The following SYTL2 variants were observed in gnomAD, a reference collection of about 807,000 sequenced individuals.
The protein encoded by SYTL2 is synaptotagmin like 2, also known as synaptotagmin-like protein 2.
A neutral mutation model predicts 198.7 loss-of-function variants in SYTL2; 165 were observed. That is an observed-to-expected ratio of 0.83 (90% CI 0.73 to 0.94). SYTL2 has a LOEUF of 0.94. Ranked by LOEUF, SYTL2 falls within the 40% of genes least tolerant of loss-of-function variation. The pLI is 0.00. For synonymous variants in SYTL2, 966 were observed against 917.7 expected, an observed-to-expected ratio of 1.05 and a Z score of -0.95; for missense variants, 2,835 against 2,582.8, an observed-to-expected ratio of 1.10 and a Z score of -2.12.
chr11:85,789,067 G>A (rs2092681519), intron 1 of SYTL2, among the ~76,000 whole-genome samples: 1 of 151,238 alleles, frequency 6.6e-6, no homozygotes, highest in South Asian at 2.1e-4. Flanking sequence ...ACCTCAAAAA[G>A]ATGAATGTTC....
At chr11:85,722,354 T>A (rs1210226630) in intron 8 of SYTL2, among the ~76,000 whole-genome samples, 1 of 151,970 alleles carries the variant, frequency 6.6e-6, no homozygotes, top group African/African-American at 2.4e-5. Flanking sequence ...ATTGTATTTT[T>A]TAGTAGAGAT....
At chr11:85,740,326 T>A (rs1488692836) in intron 4 of SYTL2, among the ~76,000 whole-genome samples, 2 of 152,174 alleles carry the variant, frequency 1.3e-5, no homozygotes, top group Non-Finnish European at 2.9e-5. Flanking sequence ...TTCTTTTTGC[T>A]TTCTTTGTCT....
At chr11:85,758,422 T>C (rs1242946472) in intron 1 of SYTL2, among the ~76,000 whole-genome samples, 1 of 152,230 alleles carries the variant, frequency 6.6e-6, no homozygotes, top group Non-Finnish European at 1.5e-5. Context: ...TAAAAAGTCA[T>C]GTTAAAGGTC....
At chr11:85,751,750 C>T (rs2091524594) in intron 2 of SYTL2, among the ~76,000 whole-genome samples, 1 of 152,198 alleles carries the variant, frequency 6.6e-6, no homozygotes, top group African/African-American at 2.4e-5. Context: ...TAACAAGCCT[C>T]TTATCATTTC....
In SYTL2 at chr11:85,782,171, T is replaced by C. The variant is rs540302699; in HGVS notation, c.-389-24057A>G. ...CTAGGTGGACGTTCCCAAACGTCAA[T>C]TCTTGACTTCTGTGCACTGGTAGGC... On this transcript the variant is annotated intron_variant, in intron 1 of 19. Transcript: ENST00000359152. 4.9e-4 allele frequency among the ~76,000 whole-genome samples: 74 copies of C among 152,378 alleles called. 2 individuals carry two copies. Among genetic ancestry groups the C allele is most frequent in the African/African-American group, 1.6e-3 (67 of 41,592 alleles).
At chr11:85,775,055 T>C (rs543647357) in intron 1 of SYTL2, among the ~76,000 whole-genome samples, 1 of 151,836 alleles carries the variant, frequency 6.6e-6, no homozygotes, top group Non-Finnish European at 1.5e-5. Context: ...ATCACCAAGC[T>C]AGCTTAGGGA....
chr11:85,811,159 T>G (rs2093027208), upstream of SYTL2: 1 of 152,102 alleles, frequency 6.6e-6, no homozygotes, highest in Non-Finnish European at 1.5e-5. Flanking sequence ...CAGAGCGGCG[T>G]GCGCGAGTCC....
chr11:85,803,546 G>A (rs2092919847), intron 1 of SYTL2, among the ~76,000 whole-genome samples: 1 of 152,068 alleles, frequency 6.6e-6, no homozygotes, highest in East Asian at 1.9e-4. Flanking sequence ...ACATCTCTAT[G>A]GTAACAGAAA....
At chr11:85,753,048 G>T (rs1407791070) in intron 2 of SYTL2, among the ~76,000 whole-genome samples, 1 of 150,764 alleles carries the variant, frequency 6.6e-6, no homozygotes, top group Non-Finnish European at 1.5e-5. Context: ...AGATGTGGTT[G>T]TGTGTATATG....
Position 85,709,452 on chromosome 11 carries a change from C to G in SYTL2, c.5794G>C (p.Glu1932Gln). The change falls in exon 14 of 20, where the codon GAA becomes CAA. Residue 1932 changes from glutamate to glutamine, a missense_variant. Physicochemically the swap from Glu to Gln is conservative, Grantham distance 29. This residue lies in a region of SYTL2 where 2,645 missense variants were observed against 2,381.7 expected (regional missense o/e 1.11). Coordinates refer to ENST00000359152, the MANE Select transcript of SYTL2 (RefSeq NM_206927.4). Reference sequence around the variant, plus strand: ...GCAAACTGAATATTTCCTTTAACTTCCAGATTGCCAAAGTCTCCACTATAA... The same window carrying G: ...GCAAACTGAATATTTCCTTTAACTTGCAGATTGCCAAAGTCTCCACTATAA... ...SVYSGDFGNL[E>Q]VKGNIQFAIE... The G allele has an allele frequency of 6.2e-7, 1 of 1,614,042 alleles. No individual in the cohort carries two copies. The highest frequency in any genetic ancestry group is 1.3e-5 in the African/African-American group (1 of 75,038).
the SYTL2 span, among the ~76,000 whole-genome samples, chr11:85,833,032 AAAGAAAGAAAGAAAGAAAG>A: frequency 3.9e-3 from 80 of 20,624 alleles, 2 homozygotes; most frequent in African/African-American, 0.013. Flanking sequence ...AGAAAGAAAG[AAAGAAAGAAAGAAAGAAAG>A]AAAGAAAGAA....
chr11:85,770,067 G>A (rs2092325159), intron 1 of SYTL2, among the ~76,000 whole-genome samples: 1 of 152,170 alleles, frequency 6.6e-6, no homozygotes, highest in Non-Finnish European at 1.5e-5. Context: ...AGATTCATTA[G>A]CTCAGAACTC....
chr11:85,847,113 C>T, the SYTL2 span, among the ~76,000 whole-genome samples: 3 of 152,222 alleles, frequency 2.0e-5, no homozygotes, highest in South Asian at 2.1e-4. Context: ...ATATATAGTT[C>T]AATGGGTTTT....
At chr11:85,731,058 T>C (rs2089763799) in intron 7 of SYTL2, among the ~76,000 whole-genome samples, 1 of 152,118 alleles carries the variant, frequency 6.6e-6, no homozygotes, top group African/African-American at 2.4e-5. Context: ...CAAGGAGAAC[T>C]ACAAACCACT....
At chr11:85,830,467 G>A in the SYTL2 span, among the ~76,000 whole-genome samples, 4 of 152,236 alleles carry the variant, frequency 2.6e-5, no homozygotes, top group Admixed American at 2.0e-4. Flanking sequence ...AACCTTCCAT[G>A]CAGCATGTGG....
chr11:85,804,916 C>T (rs2092937999), intron 1 of SYTL2, among the ~76,000 whole-genome samples: 2 of 152,130 alleles, frequency 1.3e-5, no homozygotes, highest in African/African-American at 4.8e-5. Context: ...AACAGTAGCA[C>T]CAGAAAGGAA....
rs771534463 is a variant in SYTL2 at position 85,757,696 on chromosome 11, C to T, written c.30G>A (p.Glu10=). The change falls in exon 2 of 20, where the codon GAG becomes GAA. Residue 10 remains glutamate (E), a synonymous_variant. Transcript: ENST00000359152. ...AAACCTTCATGATGGCCTCTTGTTC[C>T]TCTTCAGTCAGGAAGCTTAAGTCAA... is the stretch of plus-strand genomic sequence containing the variant. The part of the protein sequence containing the change: MIDLSFLTE[E]EQEAIMKVLQ... 60 of 1,613,492 alleles carry T rather than the reference C, an allele frequency of 3.7e-5. No individual in the cohort carries two copies. The highest frequency in any genetic ancestry group is 4.8e-5 in the Non-Finnish European group (57 of 1,179,912).
At chr11:85,825,269 TC>T in the SYTL2 span, among the ~76,000 whole-genome samples, 1 of 150,372 alleles carries the variant, frequency 6.7e-6, no homozygotes, top group Non-Finnish European at 1.5e-5. Flanking sequence ...GCGCCTGTAG[TC>T]CCAGCTACTT....
intron 6 of SYTL2, 23 bp from the exon 7 acceptor site, chr11:85,734,765 T>C: frequency 6.5e-7 from 1 of 1,537,134 alleles, no homozygotes; most frequent in Non-Finnish European, 8.9e-7. Context: ...ACACAGTAGG[T>C]GATATATCAT....
Sources: gnomAD v4.1 joint callset for allele counts (sites outside exome capture counted in the v4.1 genomes callset) on GRCh38, gnomAD v4.1.1 for gene constraint, gnomAD v4.1.1 regional missense constraint, MANE v1.5 for transcripts, NCBI Gene and HGNC (gene_info 2026-07-23, HGNC 2026-07-21) for gene names.